Variants in SYNE2 observed in about 807,000 individuals in gnomAD.
SYNE2 encodes the protein spectrin repeat containing nuclear envelope protein 2.
A neutral mutation model predicts 856.3 loss-of-function variants in SYNE2; 431 were observed. The ratio of observed to expected loss-of-function variants is 0.50; its 90% CI spans 0.47 to 0.55. The LOEUF (loss-of-function observed/expected upper bound fraction) is 0.55. Ranked by LOEUF, SYNE2 falls within the 20% of genes least tolerant of loss-of-function variation. SYNE2 has a pLI of 0.00. For missense variants in SYNE2, 8,129 were observed against 8,023.2 expected (o/e 1.01, Z -0.50); for synonymous variants, 2,923 against 2,872.3 (o/e 1.02, Z -0.56).
chr14:63,882,206 A>C (rs1333059053), intron 1 of SYNE2, among the ~76,000 whole-genome samples: 1 of 152,200 alleles, frequency 6.6e-6, no homozygotes, highest in East Asian at 1.9e-4. Flanking sequence ...CCATCCTGAC[A>C]AATGTCAACT....
chr14:64,141,372 C>A lies in SYNE2; in HGVS notation c.15008C>A (p.Ser5003Tyr). The A allele has an allele frequency of 6.2e-7, 1 of 1,613,952 alleles. No homozygotes were observed. Among genetic ancestry groups the A allele is most frequent in the East Asian group, 2.2e-5 (1 of 44,858 alleles). ...EFSKEVDEKS[S>Y]LKTAVISIGN... ...TCAAAAGAAGTTGATGAAAAATCCT[C>A]CTTGAAGACTGCCGTTATCAGTATC... The change falls in exon 81 of 116, where the codon TCC becomes TAC. Residue 5003 changes from serine (S) to tyrosine (Y), a missense_variant. Coordinates refer to ENST00000555002, the MANE Select transcript of SYNE2 (RefSeq NM_182914.3).
chr14:64,164,087 C>CTTACTTATTTAT (rs2098353198), intron 89 of SYNE2, among the ~76,000 whole-genome samples: 1 of 137,746 alleles, frequency 7.3e-6, no homozygotes, highest in African/African-American at 2.8e-5. Flanking sequence ...GCCTGGCTTG[C>CTTACTTATTTAT]TTATTTATTT....
At chr14:64,114,046 G>A (rs2097834703) in intron 66 of SYNE2, among the ~76,000 whole-genome samples, 1 of 152,152 alleles carries the variant, frequency 6.6e-6, no homozygotes, top group Non-Finnish European at 1.5e-5. Flanking sequence ...TTCAATTTTA[G>A]TAAGTAATTA....
At chr14:64,209,876 T>C (rs1451283636) in intron 102 of SYNE2, 66 bp from the exon 103 acceptor site, 3 of 1,605,952 alleles carry the variant, frequency 1.9e-6, no homozygotes, top group Admixed American at 1.7e-5. Flanking sequence ...GCTTGGGATG[T>C]AGAAGGGAAG....
intron 84 of SYNE2, among the ~76,000 whole-genome samples, chr14:64,147,028 C>T (rs1211976372): frequency 6.6e-6 from 1 of 152,230 alleles, no homozygotes; most frequent in Non-Finnish European, 1.5e-5. Flanking sequence ...TGAGCCATCT[C>T]CACTTTAGCC....
At chr14:64,138,615 C>A (rs984951298) in intron 79 of SYNE2, among the ~76,000 whole-genome samples, 7 of 151,992 alleles carry the variant, frequency 4.6e-5, no homozygotes, top group Non-Finnish European at 1.0e-4. Flanking sequence ...ATTGCTCTTT[C>A]CAAAAGTTTT....
intron 79 of SYNE2, among the ~76,000 whole-genome samples, chr14:64,139,215 T>G (rs1353272473): frequency 6.6e-6 from 1 of 150,484 alleles, no homozygotes; most frequent in East Asian, 1.9e-4. Context: ...ATTCCTGGGC[T>G]CAAGCCATCC....
intron 103 of SYNE2, among the ~76,000 whole-genome samples, chr14:64,210,514 C>A (rs563292641): frequency 2.6e-5 from 4 of 152,212 alleles, no homozygotes; most frequent in African/African-American, 4.8e-5. Flanking sequence ...GGACCCCCCC[C>A]AGCTCTCGCA....
chr14:63,815,276 G>T (rs1011038167), intron 1 of SYNE2, among the ~76,000 whole-genome samples: 2 of 86,406 alleles, frequency 2.3e-5, no homozygotes, highest in African/African-American at 6.5e-5. Flanking sequence ...TTATTAAGGT[G>T]TATTAAACTC....
chr14:63,933,692 C>T (rs375389813), intron 2 of SYNE2, among the ~76,000 whole-genome samples: 13 of 151,974 alleles, frequency 8.6e-5, no homozygotes, highest in African/African-American at 2.7e-4. Flanking sequence ...TTCTCTATTC[C>T]CTTAGCTTTT....
At chr14:63,922,625 A>G (rs773109263) in intron 2 of SYNE2, among the ~76,000 whole-genome samples, 18 of 152,210 alleles carry the variant, frequency 1.2e-4, no homozygotes, top group Non-Finnish European at 2.5e-4. Flanking sequence ...CCCCATCTCT[A>G]TAAAAAATAC....
intron 6 of SYNE2, among the ~76,000 whole-genome samples, chr14:63,948,517 C>G (rs2096072697): frequency 6.6e-6 from 1 of 151,450 alleles, no homozygotes; most frequent in Non-Finnish European, 1.5e-5. Context: ...CAAAAATTAG[C>G]CGGGAGTGGT....
At chr14:64,172,805 C>T (rs969937761) in intron 94 of SYNE2, among the ~76,000 whole-genome samples, 1 of 152,014 alleles carries the variant, frequency 6.6e-6, no homozygotes, top group African/African-American at 2.4e-5. Flanking sequence ...TGGTGGTGCA[C>T]GCCTGTACTC....
chr14:64,141,267 T>C, intron 80 of SYNE2, 74 bp from the exon 81 acceptor site: 1 of 1,220,952 alleles, frequency 8.2e-7, no homozygotes, highest in South Asian at 1.3e-5. Context: ...TTGTTGACTC[T>C]AGCCAGTTAT....
chr14:63,853,329 AGCGGGGTGC>A (rs1373434965), intron 1 of SYNE2, among the ~76,000 whole-genome samples, 186 bp downstream of exon 1: 1 of 151,096 alleles, frequency 6.6e-6, no homozygotes, highest in African/African-American at 2.4e-5. Context: ...GGGTGGGGAG[AGCGGGGTGC>A]GCGGAGGGCG....
intron 99 of SYNE2, chr14:64,191,102 G>C: frequency 1.6e-6 from 1 of 641,526 alleles, no homozygotes; most frequent in Non-Finnish European, 2.9e-6. Context: ...GGTGAATAAA[G>C]AATTGGGAGG....
Position 64,065,487 on chromosome 14 carries a change from TC to T in SYNE2, c.10270del (p.Arg3425AspfsTer3). 1 of 1,614,154 alleles carries T rather than the reference TC, an allele frequency of 6.2e-7. No individual in the cohort carries two copies. Among genetic ancestry groups the T allele is most frequent in the East Asian group, 2.2e-5 (1 of 44,886 alleles). On this transcript the variant is annotated frameshift_variant, in exon 51 of 116. Coordinates refer to ENST00000555002, the MANE Select transcript of SYNE2 (RefSeq NM_182914.3). LOFTEE classifies it high-confidence loss of function. ...TKEELMKLRQ[I>X]LRLLRLRCTE... ...GAAGAGTTAATGAAACTACGACAGATCCTTAGACTCTTGAGACTCAGGTGCA... is the reference window on the plus strand; with the variant it reads ...GAAGAGTTAATGAAACTACGACAGATCTTAGACTCTTGAGACTCAGGTGCA...
At chr14:63,842,859 G>A (rs1241391451) in intron 1 of SYNE2, among the ~76,000 whole-genome samples, 4 of 152,114 alleles carry the variant, frequency 2.6e-5, no homozygotes, top group African/African-American at 9.7e-5. Flanking sequence ...TTACCATTGT[G>A]TCTTTCAAGG....
chr14:64,117,587 A>G (rs1217688978), intron 66 of SYNE2, among the ~76,000 whole-genome samples: 2 of 152,178 alleles, frequency 1.3e-5, no homozygotes, highest in Non-Finnish European at 2.9e-5. Flanking sequence ...ATGAGCCACC[A>G]TGCTAGGCCT....
Sources: gnomAD v4.1 joint callset for allele counts (sites outside exome capture counted in the v4.1 genomes callset) on GRCh38, gnomAD v4.1.1 for gene constraint, MANE v1.5 for transcripts, NCBI Gene and HGNC (gene_info 2026-07-23, HGNC 2026-07-21) for gene names.